Variants in TMEM255A observed in about 807,000 individuals in gnomAD.
TMEM255A encodes family with sequence similarity 70, member A.
TMEM255A carries 14 observed loss-of-function variants against 23.5 expected under a neutral mutation model. That is an observed-to-expected ratio of 0.60 (90% CI 0.39 to 0.93). The LOEUF is 0.93. TMEM255A is among the 40% of genes least tolerant of loss of function. The pLI is 0.00. For missense variants in TMEM255A, 233 were observed against 261.7 expected (o/e 0.89, Z 0.76); for synonymous variants, 104 against 100.3 (o/e 1.04, Z -0.22).
Position 120,259,368 on chromosome X carries a change from TTTACTG to T in TMEM255A, c.*1496_*1501del, listed in dbSNP as rs1175149911. ...AGTTAAACTGAATATCTTGCAAACA[TTTACTG>T]TTAATGAGAGAGTGCACTTCTTGTG... On this transcript the variant is annotated 3_prime_UTR_variant, in exon 9 of 9. Coordinates refer to ENST00000371369, the MANE Select transcript of TMEM255A (RefSeq NM_001104544.3). 3 of 112,199 alleles carry T rather than the reference TTTACTG, an allele frequency of 2.7e-5. No homozygotes were observed. In the East Asian group the frequency reaches 8.3e-4, roughly 31 times the overall value. The allele number at this position is 112,199 out of a possible 1,213,427, so 9.2% of individuals were successfully genotyped here. A position where few individuals can be genotyped will look rare whatever the true frequency, so the allele number is the denominator to read the frequency against.
At chrX:120,254,487 C>G, downstream of TMEM255A, 1 of 1,211,805 alleles carries the variant, frequency 8.3e-7, no homozygotes, top group South Asian at 1.8e-5. Flanking sequence ...TTTGGTCCCA[C>G]AGGCTGATAC....
At chrX:120,281,165 A>T (rs1239516553) in intron 6 of TMEM255A, among the ~76,000 whole-genome samples, 8 of 112,369 alleles carry the variant, frequency 7.1e-5, no homozygotes, top group African/African-American at 2.6e-4. Flanking sequence ...TCGTCTCTTA[A>T]CATTCCTTTG....
At chrX:120,254,478 T>C (rs2057623421), downstream of TMEM255A, 27 of 1,211,817 alleles carry the variant, frequency 2.2e-5, no homozygotes, top group East Asian at 7.7e-4. Flanking sequence ...TAATACATCT[T>C]TGGTCCCACA....
intron 1 of TMEM255A, among the ~76,000 whole-genome samples, chrX:120,310,324 G>A (rs2058090729): frequency 9.0e-6 from 1 of 111,576 alleles, no homozygotes; most frequent in African/African-American, 3.3e-5. Flanking sequence ...CCTAACAGCT[G>A]AGGGGGACTG....
rs782782464 is a variant in TMEM255A at position 120,260,596 on chromosome X, A to G, written c.*274T>C. On this transcript the variant is annotated 3_prime_UTR_variant, in exon 9 of 9. Coordinates refer to ENST00000371369, the MANE Select transcript of TMEM255A (RefSeq NM_001104544.3). Reference sequence around the variant, plus strand: ...CTTCTGCTGAATACAGAGGTGGAGCATAGGGTAATGCAAGTCCAAACAAGC... The same window carrying G: ...CTTCTGCTGAATACAGAGGTGGAGCGTAGGGTAATGCAAGTCCAAACAAGC... 4 of 292,787 alleles carry G rather than the reference A, an allele frequency of 1.4e-5. No homozygotes were observed. The highest frequency in any genetic ancestry group is 6.2e-5 in the Admixed American group (1 of 16,079). 24.1% of individuals were successfully genotyped at this position (292,787 alleles called of 1,213,427 possible).
intron 5 of TMEM255A, chrX:120,285,537 C>A: frequency 8.8e-7 from 1 of 1,131,440 alleles, no homozygotes; most frequent in Non-Finnish European, 1.2e-6. Context: ...AATATGAGGG[C>A]AGGCAAAATC....
chrX:120,285,517 A>G (rs2057867951), intron 5 of TMEM255A: 2 of 1,020,649 alleles, frequency 2.0e-6, no homozygotes, highest in Non-Finnish European at 2.7e-6. Context: ...AATGGACTGA[A>G]GGAAATGAGA....
intron 6 of TMEM255A, among the ~76,000 whole-genome samples, chrX:120,279,998 C>CTTTTTTTTTTTTTTTTTTTTTT (rs59428362): frequency 2.9e-4 from 11 of 38,219 alleles, no homozygotes; most frequent in Admixed American, 4.5e-4. Flanking sequence ...CCTTTTCTTT[C>CTTTTTTTTTTTTTTTTTTTTTT]TTTTTTTTTT....
downstream of TMEM255A, chrX:120,254,813 G>A (rs782272539): frequency 1.5e-5 from 18 of 1,210,246 alleles, no homozygotes; most frequent in Middle Eastern, 9.1e-4. Context: ...TACCAAAAAC[G>A]TCTGGCAGCG....
chrX:120,274,805 C>A (rs957562996), intron 7 of TMEM255A, among the ~76,000 whole-genome samples: 1 of 111,874 alleles, frequency 8.9e-6, no homozygotes, highest in Non-Finnish European at 1.9e-5. Context: ...AGTTTCAGCG[C>A]CCACAGTAGG....
At chrX:120,293,049 T>C (rs1392019477) in intron 3 of TMEM255A, among the ~76,000 whole-genome samples, 1 of 112,382 alleles carries the variant, frequency 8.9e-6, no homozygotes, top group East Asian at 2.8e-4. Context: ...AAAAAAACTA[T>C]TAGAACTCCC....
chrX:120,311,378 A>G lies in TMEM255A; in HGVS notation c.-69T>C. 2.1e-6 allele frequency: 2 copies of G among 931,065 alleles called. No homozygotes were observed. The allele number at this position is 931,065 out of a possible 1,213,427, so 76.7% of individuals were successfully genotyped here. A position where few individuals can be genotyped will look rare whatever the true frequency, so the allele number is the denominator to read the frequency against. On this transcript the variant is annotated 5_prime_UTR_variant, in exon 1 of 9. Transcript: ENST00000371369. ...GCGCCCCCGGCTCTGGGCGCCCCGC[A>G]GAGCATCCTACTCCGCGGTTGCCTC...
chrX:120,268,005 T>C (rs1556017886), intron 8 of TMEM255A, among the ~76,000 whole-genome samples: 1 of 111,221 alleles, frequency 9.0e-6, no homozygotes, highest in Admixed American at 9.6e-5. Context: ...CTCTCCCTTT[T>C]TCTTCCATCT....
chrX:120,276,513 T>C (rs1250912990), intron 7 of TMEM255A, among the ~76,000 whole-genome samples: 3 of 111,718 alleles, frequency 2.7e-5, no homozygotes, highest in Non-Finnish European at 5.6e-5. Context: ...TCCTTCCATC[T>C]CTCCCAAAGT....
At chrX:120,270,512 T>C (rs1286533211) in intron 7 of TMEM255A, among the ~76,000 whole-genome samples, 2 of 111,317 alleles carry the variant, frequency 1.8e-5, no homozygotes, top group African/African-American at 6.5e-5. Context: ...AATGCTACTT[T>C]TTTTCCCTCT....
intron 5 of TMEM255A, chrX:120,286,033 T>A (rs2057873159): frequency 1.6e-6 from 1 of 615,436 alleles, no homozygotes; most frequent in Non-Finnish European, 2.3e-6. Context: ...AAATGCTTAC[T>A]GCCTTTCAGA....
chrX:120,290,902 T>C (rs1468372157), intron 4 of TMEM255A, among the ~76,000 whole-genome samples: 3 of 111,584 alleles, frequency 2.7e-5, no homozygotes, highest in Non-Finnish European at 5.6e-5. Context: ...CCCCCAATAC[T>C]AGTTCTAAGC....
At chrX:120,255,332 C>G (rs782195625), downstream of TMEM255A, 32 of 1,211,157 alleles carry the variant, frequency 2.6e-5, no homozygotes, top group Non-Finnish European at 3.5e-5. Context: ...AGCCAATGAC[C>G]TGGGAAGATA....
chrX:120,305,686 G>A (rs1441700874), intron 1 of TMEM255A, among the ~76,000 whole-genome samples: 3 of 108,763 alleles, frequency 2.8e-5, no homozygotes, highest in Non-Finnish European at 5.8e-5. Context: ...AGAGGGGATA[G>A]AGGGAGGGGA....
Sources: gnomAD v4.1 joint callset for allele counts (sites outside exome capture counted in the v4.1 genomes callset) on GRCh38, gnomAD v4.1.1 for gene constraint, MANE v1.5 for transcripts, NCBI Gene and HGNC (gene_info 2026-07-23, HGNC 2026-07-21) for gene names.